HMSD: variants seen among roughly 807,000 people sequenced by gnomAD.
HMSD encodes serpin-like protein HMSD.
HMSD carries 13 observed loss-of-function variants against 10.0 expected under a neutral mutation model. That is an observed-to-expected ratio of 1.31 (90% CI 0.85 to 2.08). The LOEUF is 2.08. Ranked by LOEUF, HMSD falls within the 30% of genes most tolerant of loss-of-function variation. The probability of loss-of-function intolerance (pLI) is 0.00; values close to 1 mark genes in which losing one functional copy is unlikely to be tolerated. For synonymous variants in HMSD, 51 were observed against 54.2 expected (o/e 0.94, Z 0.26); for missense variants, 169 against 166.3 (o/e 1.02, Z -0.09).
chr18:63,963,125 CT>C (rs1358817203), downstream of HMSD, among the ~76,000 whole-genome samples: 1 of 116,950 alleles, frequency 8.6e-6, no homozygotes, highest in Non-Finnish European at 1.9e-5. Flanking sequence ...TTCTTTCTTT[CT>C]TTCTTTCCTT....
intron 3 of HMSD, among the ~76,000 whole-genome samples, chr18:63,959,299 T>TGAGA (rs1424574860): frequency 6.6e-6 from 1 of 152,182 alleles, no homozygotes. Flanking sequence ...CAGCAATGAA[T>TGAGA]GAGAGTTCCT....
intron 3 of HMSD, among the ~76,000 whole-genome samples, chr18:63,959,213 G>A (rs1036634275): frequency 6.6e-6 from 1 of 152,086 alleles, no homozygotes; most frequent in Non-Finnish European, 1.5e-5. Context: ...GGTCATGATT[G>A]CTGGATCATA....
intron 1 of HMSD, among the ~76,000 whole-genome samples, chr18:63,952,071 T>C (rs996359291): frequency 5.8e-5 from 8 of 138,818 alleles, no homozygotes; most frequent in African/African-American, 1.9e-4. Context: ...TTCTCACTCA[T>C]AGGTGGGAAT....
intron 3 of HMSD, among the ~76,000 whole-genome samples, chr18:63,967,712 G>C (rs1235547495): frequency 1.3e-5 from 2 of 152,274 alleles, no homozygotes; most frequent in Non-Finnish European, 1.5e-5. Context: ...TGACTGAAGA[G>C]ATGTGAAGTT....
intron 3 of HMSD, among the ~76,000 whole-genome samples, chr18:63,967,714 T>C (rs2050416323): frequency 6.6e-6 from 1 of 151,986 alleles, no homozygotes; most frequent in South Asian, 2.1e-4. Flanking sequence ...ACTGAAGAGA[T>C]GTGAAGTTAG....
intron 3 of HMSD, among the ~76,000 whole-genome samples, chr18:63,969,134 T>C (rs977098339): frequency 1.3e-5 from 2 of 152,158 alleles, no homozygotes; most frequent in African/African-American, 4.8e-5. Flanking sequence ...AGGAACCCCA[T>C]GTATATGAAC....
intron 3 of HMSD, among the ~76,000 whole-genome samples, chr18:63,958,176 T>C (rs1399061843): frequency 6.6e-6 from 1 of 152,196 alleles, no homozygotes; most frequent in Non-Finnish European, 1.5e-5. Flanking sequence ...GTACTGAGAA[T>C]TCAAAAACGT....
At chr18:63,956,259 G>A (rs1005838600) in intron 3 of HMSD, among the ~76,000 whole-genome samples, 4 of 151,900 alleles carry the variant, frequency 2.6e-5, no homozygotes, top group Non-Finnish European at 5.9e-5. Context: ...CAGGGCAAAA[G>A]AAACTATCAA....
intron 3 of HMSD, among the ~76,000 whole-genome samples, chr18:63,957,064 G>A (rs1011154968): frequency 6.6e-6 from 1 of 152,134 alleles, no homozygotes; most frequent in Non-Finnish European, 1.5e-5. Flanking sequence ...AGATATGGGG[G>A]CTTACTTGAG....
At chr18:63,963,162 TTC>T (rs920924120), downstream of HMSD, among the ~76,000 whole-genome samples, 7 of 136,850 alleles carry the variant, frequency 5.1e-5, no homozygotes, top group Admixed American at 7.1e-5. Flanking sequence ...TCTTCTTTCT[TTC>T]TCTCTCTCTC....
chr18:63,963,290 A>G (rs1011475282), downstream of HMSD, among the ~76,000 whole-genome samples: 1 of 149,350 alleles, frequency 6.7e-6, no homozygotes, highest in Non-Finnish European at 1.5e-5. Context: ...CTTCCAAGAC[A>G]GAGTATCGCT....
chr18:63,961,809 G>A lies in HMSD; in HGVS notation c.*1454G>A, dbSNP rs1172158629. On this transcript the variant is annotated 3_prime_UTR_variant, in exon 4 of 4. Coordinates refer to ENST00000408945, the MANE Select transcript of HMSD (RefSeq NM_001123366.2). ...GTGACCTCCCTCCCTGTGAGCAGTT[G>A]TGACTAATAAACTGCCGCCAATTTC... 2 of 152,268 alleles carry A rather than the reference G, an allele frequency of 1.3e-5. No homozygotes were observed. The highest frequency in any genetic ancestry group is 1.3e-4 in the Admixed American group (2 of 15,280). 9.4% of individuals were successfully genotyped at this position (152,268 alleles called of 1,614,324 possible). A position where few individuals can be genotyped will look rare whatever the true frequency, so the allele number is the denominator to read the frequency against.
At chr18:63,969,284 T>A (rs982936104) in intron 3 of HMSD, 3 of 152,248 alleles carry the variant, frequency 2.0e-5, no homozygotes, top group Non-Finnish European at 4.4e-5. Context: ...TAAAGGATTT[T>A]AAACTGAGGT....
At chr18:63,965,568 A>G (rs992038447), downstream of HMSD, among the ~76,000 whole-genome samples, 1 of 152,190 alleles carries the variant, frequency 6.6e-6, no homozygotes, top group Non-Finnish European at 1.5e-5. Context: ...CTTGAAATAC[A>G]ATACCAGGCA....
chr18:63,955,478 G>A (rs1357415931), intron 3 of HMSD, among the ~76,000 whole-genome samples: 1 of 152,146 alleles, frequency 6.6e-6, no homozygotes, highest in Non-Finnish European at 1.5e-5. Flanking sequence ...TTTGTAGAAG[G>A]GAGGAAGGGA....
At chr18:63,956,297 G>T (rs1260205311) in intron 3 of HMSD, among the ~76,000 whole-genome samples, 1 of 151,962 alleles carries the variant, frequency 6.6e-6, no homozygotes, top group Admixed American at 6.6e-5. Flanking sequence ...CTATAGAAAT[G>T]GAGAAAATAT....
At chr18:63,954,117 C>A (rs2050344915) in intron 2 of HMSD, among the ~76,000 whole-genome samples, 1 of 152,198 alleles carries the variant, frequency 6.6e-6, no homozygotes, top group African/African-American at 2.4e-5. Flanking sequence ...TCATAAATAG[C>A]ACAAGAAATC....
intron 3 of HMSD, among the ~76,000 whole-genome samples, chr18:63,958,635 T>C (rs904548599): frequency 3.9e-5 from 6 of 152,152 alleles, no homozygotes; most frequent in African/African-American, 1.4e-4. Flanking sequence ...AAGTTGATCA[T>C]AGTTTGAAAC....
downstream of HMSD, among the ~76,000 whole-genome samples, chr18:63,964,226 T>TA (rs2050401488): frequency 6.6e-6 from 1 of 152,072 alleles, no homozygotes; most frequent in Non-Finnish European, 1.5e-5. Flanking sequence ...GTGGGTATAA[T>TA]AAAATACCAT....
Sources: gnomAD v4.1 joint callset for allele counts (sites outside exome capture counted in the v4.1 genomes callset) on GRCh38, gnomAD v4.1.1 for gene constraint, MANE v1.5 for transcripts, NCBI Gene and HGNC (gene_info 2026-07-23, HGNC 2026-07-21) for gene names.